Variants in AOPEP observed in about 807,000 individuals in gnomAD.
AOPEP encodes aminopeptidase O.
Under a neutral mutation model 98.1 loss-of-function variants are expected in AOPEP, and 77 were observed. The observed-to-expected ratio is 0.78, with a 90% CI of 0.65 to 0.95. AOPEP has a LOEUF of 0.95. Among genes scored for constraint, AOPEP ranks in the 40% least tolerant of loss-of-function variants. AOPEP has a pLI of 0.00. For synonymous variants in AOPEP, 346 were observed against 365.3 expected (o/e 0.95, Z 0.60); for missense variants, 1,024 against 1,024.7 (o/e 1.00, Z 0.01).
At chr9:95,106,959 G>T in the AOPEP span, 1 of 1,089,806 alleles carries the variant, frequency 9.2e-7, no homozygotes, top group South Asian at 1.3e-5. Context: ...GTGCTGGGCA[G>T]CATCCTGGTA....
chr9:95,140,592 A>T, the AOPEP span, among the ~76,000 whole-genome samples: 5 of 152,298 alleles, frequency 3.3e-5, no homozygotes, highest in South Asian at 1.0e-3. Context: ...TGAGCAGTAG[A>T]GGGGAGGCCA....
chr9:95,123,342 T>C, the AOPEP span: 1 of 340,496 alleles, frequency 2.9e-6, no homozygotes, highest in Non-Finnish European at 5.6e-6. Flanking sequence ...TATTGTTGCT[T>C]TAAAAAGCAG....
At chr9:95,026,584 CTG>C (rs1325298201) in intron 13 of AOPEP, among the ~76,000 whole-genome samples, 11 of 152,204 alleles carry the variant, frequency 7.2e-5, no homozygotes, top group African/African-American at 2.7e-4. Context: ...TTTTATCTGT[CTG>C]TTCACCAGTT....
chr9:94,825,263 A>G (rs568921270), intron 5 of AOPEP, among the ~76,000 whole-genome samples: 2 of 152,308 alleles, frequency 1.3e-5, no homozygotes, highest in African/African-American at 2.4e-5. Flanking sequence ...TGAAAGTGTG[A>G]TGGATGCCTT....
chr9:94,741,499 C>T (rs1352229986), intron 1 of AOPEP, among the ~76,000 whole-genome samples: 1 of 152,058 alleles, frequency 6.6e-6, no homozygotes, highest in African/African-American at 2.4e-5. Flanking sequence ...TCTCCATCTC[C>T]TGACCTCGTC....
chr9:95,116,135 C>G, the AOPEP span, among the ~76,000 whole-genome samples: 71 of 152,384 alleles, frequency 4.7e-4, no homozygotes, highest in African/African-American at 1.6e-3. Context: ...CATGCACCAC[C>G]TCACCGTTTA....
chr9:94,728,498 C>T (rs1829792559), intron 1 of AOPEP, among the ~76,000 whole-genome samples: 3 of 152,206 alleles, frequency 2.0e-5, no homozygotes, highest in South Asian at 4.1e-4. Flanking sequence ...CCTCACTGTG[C>T]CCGGTCGAGG....
intron 10 of AOPEP, among the ~76,000 whole-genome samples, chr9:94,974,841 A>G (rs1413495998): frequency 6.6e-6 from 1 of 152,172 alleles, no homozygotes; most frequent in Admixed American, 6.5e-5. Flanking sequence ...CCACGCACCA[A>G]AGGTTCAAAT....
chr9:95,012,060 A>G (rs1564521094), intron 13 of AOPEP, among the ~76,000 whole-genome samples: 1 of 152,344 alleles, frequency 6.6e-6, no homozygotes, highest in East Asian at 1.9e-4. Context: ...ATGTAAATGT[A>G]CAATTAAAGT....
intron 7 of AOPEP, chr9:94,932,397 A>G (rs1237511734): frequency 4.8e-6 from 2 of 419,610 alleles, no homozygotes; most frequent in Non-Finnish European, 6.4e-6. Flanking sequence ...GTAATTTATA[A>G]GAACAGCTTT....
At chr9:94,919,856 C>G (rs374051974) in intron 5 of AOPEP, among the ~76,000 whole-genome samples, 8 of 152,286 alleles carry the variant, frequency 5.3e-5, no homozygotes, top group East Asian at 1.9e-4. Flanking sequence ...CTGGTTCCCC[C>G]CTCTCTCGGG....
rs11299544 is a variant in AOPEP, at chr9:94,863,280, CTTTTTTTTTTTTT to C, written c.1365-60700_1365-60688del. Among the ~76,000 whole-genome samples the C allele has an allele frequency of 5.5e-5, 5 of 91,598 alleles. No homozygotes were observed. In the East Asian group the frequency reaches 1.7e-3, roughly 31 times the overall value. The allele number at this position is 91,598 out of a possible 152,430, so 60.1% of individuals were successfully genotyped here. A position where few individuals can be genotyped will look rare whatever the true frequency, so the allele number is the denominator to read the frequency against. On this transcript the variant is annotated intron_variant, in intron 5 of 16. Transcript: ENST00000375315. ...GTTTCCCTCTTCTTTCTCTTTTTCTCTTTTTTTTTTTTTTTTTTGAGACGGAGTCTCGCTCTGT... is the reference window on the plus strand; with the variant it reads ...GTTTCCCTCTTCTTTCTCTTTTTCTCTTTTTGAGACGGAGTCTCGCTCTGT...
Position 94,978,425 on chromosome 9 carries a change from A to T in AOPEP, c.1917-942A>T, listed in dbSNP as rs138938486. ...ATGAGGATCCTCTTTCATACCAGGG[A>T]TCAGATCTCAGATGGTTTCAATCCA... On this transcript the variant is annotated intron_variant, in intron 10 of 16. Transcript: ENST00000375315. 4.6e-5 allele frequency among the ~76,000 whole-genome samples: 7 copies of T among 152,284 alleles called. 1 individual carries two copies. The East Asian group carries it at 1.2e-3, about 25-fold the overall frequency.
the AOPEP span, chr9:95,114,763 T>A: frequency 6.6e-7 from 1 of 1,504,340 alleles, no homozygotes. Flanking sequence ...GTCAAGCCCA[T>A]GAGGAACCAC....
intron 5 of AOPEP, among the ~76,000 whole-genome samples, chr9:94,823,320 T>C (rs939504099): frequency 3.3e-5 from 5 of 152,252 alleles, no homozygotes; most frequent in African/African-American, 1.2e-4. Flanking sequence ...ACAGCTGTAC[T>C]GGGCAGTTGA....
chr9:94,821,697 T>C lies in AOPEP; in HGVS notation c.1364+20695T>C, dbSNP rs1853172801. Among the ~76,000 whole-genome samples, 4 of 152,138 alleles carry C rather than the reference T, an allele frequency of 2.6e-5. No individual in the cohort carries two copies. The South Asian group carries it at 8.3e-4, about 32-fold the overall frequency. On this transcript the variant is annotated intron_variant, in intron 5 of 16. Coordinates refer to ENST00000375315, the MANE Select transcript of AOPEP (RefSeq NM_001193329.3). The stretch of plus-strand genomic sequence containing the variant: ...AATTCTAGAGCATACCACCCAAAAC[T>C]CAATTTTAAATAGTAGGCAGAGCCT...
intron 5 of AOPEP, among the ~76,000 whole-genome samples, chr9:94,881,585 C>A (rs566299141): frequency 1.8e-3 from 270 of 152,282 alleles, no homozygotes; most frequent in Non-Finnish European, 2.7e-3. Context: ...CCAATTCAGT[C>A]ATGTCTGTAA....
At chr9:94,881,793 T>C (rs952039807) in intron 5 of AOPEP, among the ~76,000 whole-genome samples, 2 of 152,202 alleles carry the variant, frequency 1.3e-5, no homozygotes, top group African/African-American at 2.4e-5. Flanking sequence ...GACCAGTCAA[T>C]TTTTTTGTGT....
At chr9:94,947,757 T>C (rs1005884553) in intron 7 of AOPEP, among the ~76,000 whole-genome samples, 28 of 152,206 alleles carry the variant, frequency 1.8e-4, no homozygotes, top group African/African-American at 6.3e-4. Context: ...CCCCATTTGA[T>C]AGAGGAGGAA....
Sources: gnomAD v4.1 joint callset for allele counts (sites outside exome capture counted in the v4.1 genomes callset) on GRCh38, gnomAD v4.1.1 for gene constraint, MANE v1.5 for transcripts, NCBI Gene and HGNC (gene_info 2026-07-23, HGNC 2026-07-21) for gene names.